The following YIPF2 variants were observed in gnomAD, a reference collection of about 807,000 sequenced individuals.
YIPF2 encodes Yip1 domain family member 2, also known as protein YIPF2.
A neutral mutation model predicts 38.8 loss-of-function variants in YIPF2; 30 were observed. That is an observed-to-expected ratio of 0.77 (90% CI 0.58 to 1.05). The LOEUF is 1.05. Among genes scored for constraint, YIPF2 ranks in the 50% least tolerant of loss-of-function variants. YIPF2 has a pLI of 0.00. For missense variants in YIPF2, 401 were observed against 409.7 expected (o/e 0.98, Z 0.18); for synonymous variants, 194 against 183.8 (o/e 1.06, Z -0.45).
chr19:10,923,386 G>T lies in YIPF2; in HGVS notation c.856C>A (p.Pro286Thr). 1.9e-6 allele frequency: 3 copies of T among 1,613,622 alleles called. No homozygotes were observed. Among genetic ancestry groups the T allele is most frequent in the Non-Finnish European group, 2.5e-6 (3 of 1,179,770 alleles). Residue 286 changes from proline to threonine, a missense_variant, in exon 9 of 10, where the codon CCT (proline) becomes ACT (threonine). By Grantham distance (38) the Pro-to-Thr change is conservative. Transcript: ENST00000586748. ...GGTGGAGGAGCCACGTTCTCCGGAGGCAGCGACTGGAAGAAGTACAACTGC... is the reference window on the plus strand; with the variant it reads ...GGTGGAGGAGCCACGTTCTCCGGAGTCAGCGACTGGAAGAAGTACAACTGC... ...GCKLYFFQSL[P>T]PENVAPPPQI...
chr19:10,928,505 C>A lies in YIPF2; in HGVS notation c.-31+6G>T, dbSNP rs1244330795. 8.2e-6 allele frequency: 11 copies of A among 1,341,838 alleles called. No individual in the cohort carries two copies. The highest frequency in any genetic ancestry group is 3.8e-5 in the Admixed American group (1 of 26,528). The allele number at this position is 1,341,838 out of a possible 1,614,324, so 83.1% of individuals were successfully genotyped here. On this transcript the variant is annotated splice_donor_region_variant and intron_variant, in intron 1 of 9. Coordinates refer to ENST00000586748, the MANE Select transcript of YIPF2 (RefSeq NM_001321439.2). ...CCCGAGCCGGTCCCTCGGCCCCCAG[C>A]CCTACCTGGCGACCAACTGCACCCA...
At chr19:10,926,036 G>A (rs1430925216) in intron 4 of YIPF2, among the ~76,000 whole-genome samples, 3 of 148,882 alleles carry the variant, frequency 2.0e-5, no homozygotes, top group Non-Finnish European at 3.0e-5. Context: ...TCAGCCACCC[G>A]AGTAGCTGGG....
At position 10,923,546 on chromosome 19, in the gene YIPF2, C is replaced by T; in HGVS notation, c.783G>A (p.Val261=). 1 of 1,612,618 alleles carries T rather than the reference C, an allele frequency of 6.2e-7. No homozygotes were observed. The highest frequency in any genetic ancestry group is 8.5e-7 in the Non-Finnish European group (1 of 1,179,792). The part of the protein sequence containing the change: ...VREDTRLVAT[V]LLSVVVLLHA... ...GGAGCAGCACGACCACGGACAGCAG[C>T]ACTGTGGCCACCAGCCTGGTGTCCT... The change falls in exon 8 of 10, where the codon GTG becomes GTA. Residue 261 remains valine, a synonymous_variant. Coordinates refer to ENST00000586748, the MANE Select transcript of YIPF2 (RefSeq NM_001321439.2).
In YIPF2 at chr19:10,924,081, T is replaced by G. The variant is rs1460542536; in HGVS notation, c.479A>C (p.His160Pro). 1 of 1,613,774 alleles carries G rather than the reference T, an allele frequency of 6.2e-7. No homozygotes were observed. The highest frequency in any genetic ancestry group is 1.1e-5 in the South Asian group (1 of 91,074). Residue 160 changes from histidine (H) to proline (P), a missense_variant, in exon 6 of 10, where the codon CAC (histidine) becomes CCC (proline). Physicochemically the swap from His to Pro is moderately conservative, Grantham distance 77 (BLOSUM62 -2). Coordinates refer to ENST00000586748, the MANE Select transcript of YIPF2 (RefSeq NM_001321439.2). The part of the protein sequence containing the change: ...DPSIHYSPQF[H>P]KVTVAGISIY... ...GGGCCTGCCCGTCTGCTTACCCTTG[T>G]GGAACTGGGGGCTGTAGTGGATGGA...
rs375098646 is a variant in YIPF2 at position 10,923,995 on chromosome 19, G to A, written c.489C>T (p.Thr163=). The change falls in exon 7 of 10, where the codon ACC becomes ACT. Residue 163 remains threonine (T), a synonymous_variant. Coordinates refer to ENST00000586748, the MANE Select transcript of YIPF2 (RefSeq NM_001321439.2). ...AGCAGTAGATGCTGATGCCTGCCAC[G>A]GTCACTGGGGGGGGCAAGGTGAGCA... ...IHYSPQFHKV[T]VAGISIYCYA... 9.9e-6 allele frequency: 16 copies of A among 1,612,552 alleles called. No individual in the cohort carries two copies. The highest frequency in any genetic ancestry group is 4.0e-5 in the African/African-American group (3 of 74,910).
chr19:10,924,079 TGTGGAACTGGGGGCTGTA>T lies in YIPF2; in HGVS notation c.463_480del (p.Tyr155_His160del). The T allele has an allele frequency of 1.9e-6, 3 of 1,613,766 alleles. No individual in the cohort carries two copies. Among genetic ancestry groups the T allele is most frequent in the Middle Eastern group, 1.7e-4 (1 of 6,060 alleles). ...TTGGGCCTGCCCGTCTGCTTACCCT[TGTGGAACTGGGGGCTGTA>T]GTGGATGGAGGGGTCCCTCCTCTGG... On this transcript the variant is annotated inframe_deletion, in exon 6 of 10. Transcript: ENST00000586748.
At chr19:10,923,457 G>A (rs1163073150) in intron 8 of YIPF2, 38 bp downstream of exon 8, 2 of 1,612,730 alleles carry the variant, frequency 1.2e-6, no homozygotes, top group African/African-American at 2.7e-5. Context: ...TGCCCCCCTA[G>A]CCCCTCGGCC....
rs577729501 is a variant in YIPF2 at position 10,923,293 on chromosome 19, A to C, written c.949T>G (p.Ter317GluextTer10). The change falls in exon 9 of 10, where the codon TAG (stop) becomes GAG (glutamate). Residue 317 changes from the stop codon to glutamate (E), a stop_lost. Coordinates refer to ENST00000586748, the MANE Select transcript of YIPF2 (RefSeq NM_001321439.2). ...PTLPQSLAPS[*>E] ...TTACCTGTGGGACCCGGGCCTTCCT[A>C]GGAGGGGGCCAGGGACTGCGGCAAG... The C allele has an allele frequency of 6.2e-7, 1 of 1,607,346 alleles. No individual in the cohort carries two copies. Among genetic ancestry groups the C allele is most frequent in the Non-Finnish European group, 8.5e-7 (1 of 1,177,644 alleles).
chr19:10,924,761 C>A (rs1210177699), intron 5 of YIPF2, among the ~76,000 whole-genome samples: 1 of 146,814 alleles, frequency 6.8e-6, no homozygotes, highest in East Asian at 2.1e-4. Context: ...ACCTCCCACT[C>A]CCCCCACCCC....
chr19:10,925,132 T>C (rs1431909866), intron 5 of YIPF2, among the ~76,000 whole-genome samples: 1 of 150,898 alleles, frequency 6.6e-6, no homozygotes, highest in African/African-American at 2.4e-5. Flanking sequence ...CTCAGGAGGC[T>C]GAAGCAGGAG....
At chr19:10,924,709 G>T (rs1052013578) in intron 5 of YIPF2, among the ~76,000 whole-genome samples, 1 of 152,118 alleles carries the variant, frequency 6.6e-6, no homozygotes, top group Admixed American at 6.6e-5. Flanking sequence ...TATCCATCCC[G>T]TTAGTCCAGG....
intron 4 of YIPF2, among the ~76,000 whole-genome samples, chr19:10,926,522 G>A (rs564477534): frequency 4.6e-5 from 7 of 151,610 alleles, no homozygotes; most frequent in Admixed American, 2.0e-4. Flanking sequence ...CACCGCACCC[G>A]GCCTCAGCAC....
intron 2 of YIPF2, 65 bp from the exon 3 acceptor site, chr19:10,928,024 G>T: frequency 6.4e-7 from 1 of 1,554,908 alleles, no homozygotes. Flanking sequence ...CTGGGCCCAA[G>T]CTAAACCGAT....
In YIPF2 at chr19:10,928,579, C is replaced by G. The variant is rs924957287; in HGVS notation, c.-99G>C. On this transcript the variant is annotated 5_prime_UTR_variant, in exon 1 of 10. Transcript: ENST00000586748. ...GTCCCCACAGGTGCGCTCCGCCCCC[C>G]CTCACCTGAGGCCACCTGGGCCGGC... 4.7e-6 allele frequency: 5 copies of G among 1,056,310 alleles called. No homozygotes were observed. The highest frequency in any genetic ancestry group is 6.4e-6 in the Non-Finnish European group (5 of 779,586). The allele number at this position is 1,056,310 out of a possible 1,614,324, so 65.4% of individuals were successfully genotyped here.
chr19:10,924,112 C>T lies in YIPF2; in HGVS notation c.448G>A (p.Asp150Asn), dbSNP rs1568362952. The stretch of plus-strand genomic sequence containing the variant: ...TGGGGGCTGTAGTGGATGGAGGGGT[C>T]CCTCCTCTGGGCCAGCACCAGCGTC... ...NLTLVLAQRR[D>N]PSIHYSPQFH... The change falls in exon 6 of 10, where the codon GAC becomes AAC. Residue 150 changes from aspartate (D) to asparagine (N), a missense_variant. Asp to Asn is a conservative substitution (Grantham distance 23, BLOSUM62 1). Coordinates refer to ENST00000586748, the MANE Select transcript of YIPF2 (RefSeq NM_001321439.2). 2 of 1,613,616 alleles carry T rather than the reference C, an allele frequency of 1.2e-6. No individual in the cohort carries two copies. Among genetic ancestry groups the T allele is most frequent in the Admixed American group, 1.7e-5 (1 of 59,982 alleles).
intron 5 of YIPF2, among the ~76,000 whole-genome samples, chr19:10,925,158 G>A (rs1300433907): frequency 6.6e-6 from 1 of 151,860 alleles, no homozygotes; most frequent in Non-Finnish European, 1.5e-5. Context: ...CTTGAATGCG[G>A]GAGGGGAAGA....
rs765052900 is a variant in YIPF2 at position 10,922,950 on chromosome 19, C to G, written c.*244G>C. The G allele has an allele frequency of 4.8e-6, 1 of 210,376 alleles. No homozygotes were observed. Among genetic ancestry groups the G allele is most frequent in the Admixed American group, 6.1e-5 (1 of 16,322 alleles). 13.0% of individuals were successfully genotyped at this position (210,376 alleles called of 1,614,324 possible). A position where few individuals can be genotyped will look rare whatever the true frequency, so the allele number is the denominator to read the frequency against. On this transcript the variant is annotated 3_prime_UTR_variant, in exon 10 of 10. Coordinates refer to ENST00000586748, the MANE Select transcript of YIPF2 (RefSeq NM_001321439.2). ...GCCATAGGAGGGAAAGCAGGTGGCC[C>G]GGGGGGGATATGGGGGCCCCAGCCC...
intron 5 of YIPF2, among the ~76,000 whole-genome samples, chr19:10,925,213 CAG>C (rs901896723): frequency 4.7e-5 from 7 of 148,600 alleles, no homozygotes; most frequent in African/African-American, 1.5e-4. Flanking sequence ...GCCTGGGTGA[CAG>C]AGTGAGACTC....
At position 10,923,751 on chromosome 19, in the gene YIPF2, A is replaced by G. The variant is rs957169445; in HGVS notation, c.652-74T>C. On this transcript the variant is annotated intron_variant, in intron 7 of 9. Transcript: ENST00000586748. Reference sequence around the variant, plus strand: ...ACCCACTCTGCACCAGGCCACCCTCACCACCATGGGAATGAGGCGGCAGGT... The same window carrying G: ...ACCCACTCTGCACCAGGCCACCCTCGCCACCATGGGAATGAGGCGGCAGGT... 2.5e-6 allele frequency: 4 copies of G among 1,579,908 alleles called. No individual in the cohort carries two copies. In the African/African-American group the frequency reaches 4.0e-5, roughly 16 times the overall value.
Sources: gnomAD v4.1 joint callset for allele counts (sites outside exome capture counted in the v4.1 genomes callset) on GRCh38, gnomAD v4.1.1 for gene constraint, MANE v1.5 for transcripts, NCBI Gene and HGNC (gene_info 2026-07-23, HGNC 2026-07-21) for gene names.